MTIF3: variants seen among roughly 807,000 people sequenced by gnomAD.
MTIF3 encodes the protein mitochondrial translational initiation factor 3, also known as translation initiation factor IF-3, mitochondrial.
MTIF3 carries 13 observed loss-of-function variants against 20.7 expected under a neutral mutation model. That is an observed-to-expected ratio of 0.63 (90% confidence interval 0.41 to 1.00). The LOEUF is 1.00. Ranked by LOEUF, MTIF3 falls within the 50% of genes least tolerant of loss-of-function variation. The pLI is 0.00. For synonymous variants in MTIF3, 114 were observed against 112.5 expected (o/e 1.01, Z -0.08); for missense variants, 295 against 324.5 (o/e 0.91, Z 0.70).
intron 3 of MTIF3, among the ~76,000 whole-genome samples, chr13:27,438,320 C>CA (rs36016925): frequency 0.48 from 26,220 of 54,778 alleles, 9,322 homozygotes; most frequent in South Asian, 0.66. Context: ...CCCATCTCTA[C>CA]AAAAAAAAAA....
intron 3 of MTIF3, among the ~76,000 whole-genome samples, chr13:27,438,105 G>A (rs1344051755): frequency 6.6e-6 from 1 of 152,092 alleles, no homozygotes; most frequent in Admixed American, 6.5e-5. Context: ...TGACAAATGA[G>A]GGAGGAGGTA....
At chr13:27,444,782 C>T (rs1566087484) in intron 2 of MTIF3, among the ~76,000 whole-genome samples, 1 of 152,100 alleles carries the variant, frequency 6.6e-6, no homozygotes, top group African/African-American at 2.4e-5. Flanking sequence ...TTAGTATTCA[C>T]AATATTATCC....
Position 27,437,290 on chromosome 13 carries a change from A to G in MTIF3, c.461-17T>C. 2 of 1,611,742 alleles carry G rather than the reference A, an allele frequency of 1.2e-6. No homozygotes were observed. The highest frequency in any genetic ancestry group is 1.3e-5 in the African/African-American group (1 of 74,928). ...GGGTTGGTCCTGGTTTGAAACAGAT[A>G]GGGTGCAAGGACTACTGACTAGTCC... is the stretch of plus-strand genomic sequence containing the variant. On this transcript the variant is annotated splice_polypyrimidine_tract_variant and intron_variant, in intron 3 of 4. Coordinates refer to ENST00000381120, the MANE Select transcript of MTIF3 (RefSeq NM_152912.5).
At chr13:27,436,868 C>T (rs1953785462) in intron 4 of MTIF3, among the ~76,000 whole-genome samples, 1 of 151,408 alleles carries the variant, frequency 6.6e-6, no homozygotes, top group African/African-American at 2.4e-5. Context: ...TCTCCTGCCT[C>T]AGCTTCCCCA....
At chr13:27,445,236 T>C (rs909558969) in intron 1 of MTIF3, 80 bp from the exon 2 acceptor site, 1 of 152,042 alleles carries the variant, frequency 6.6e-6, no homozygotes, top group Non-Finnish European at 1.5e-5. Context: ...TCCCAGCACT[T>C]TGGGAGGCCA....
At chr13:27,439,907 A>G (rs1489604985) in intron 3 of MTIF3, 82 bp downstream of exon 3, 38 of 1,214,866 alleles carry the variant, frequency 3.1e-5, no homozygotes, top group Non-Finnish European at 4.4e-5. Context: ...CTCTTGTCAC[A>G]GGCACCTTGA....
intron 1 of MTIF3, among the ~76,000 whole-genome samples, chr13:27,446,346 C>A (rs1043078821): frequency 6.6e-6 from 1 of 152,278 alleles, no homozygotes; most frequent in East Asian, 1.9e-4. Flanking sequence ...GCGTGAGCCA[C>A]GGCACCCGCC....
At chr13:27,447,935 CTTTA>C (rs940450869) in intron 1 of MTIF3, among the ~76,000 whole-genome samples, 53 of 152,070 alleles carry the variant, frequency 3.5e-4, no homozygotes, top group African/African-American at 1.2e-3. Flanking sequence ...AGGCTGTTCC[CTTTA>C]TTTATTTATT....
intron 4 of MTIF3, among the ~76,000 whole-genome samples, chr13:27,436,292 G>T (rs78322867): frequency 0.033 from 4,971 of 152,078 alleles, 147 homozygotes; most frequent in East Asian, 0.14. Flanking sequence ...GAAACAAATG[G>T]ATACCTGGGC....
chr13:27,439,410 C>CT (rs1566082860), intron 3 of MTIF3, among the ~76,000 whole-genome samples: 5 of 152,174 alleles, frequency 3.3e-5, no homozygotes, highest in African/African-American at 1.2e-4. Flanking sequence ...GCAGGAGAAT[C>CT]GCTTGAGCCT....
rs186614659 is a variant in MTIF3 at position 27,447,479 on chromosome 13, T to C, written c.-70-2323A>G. 1.7e-3 allele frequency among the ~76,000 whole-genome samples: 254 copies of C among 152,304 alleles called. 1 individual carries two copies. The highest frequency in any genetic ancestry group is 5.9e-3 in the African/African-American group (245 of 41,554). On this transcript the variant is annotated intron_variant, in intron 1 of 4. Coordinates refer to ENST00000381120, the MANE Select transcript of MTIF3 (RefSeq NM_152912.5). ...TGCACTCACTCCCACAACTATACTC[T>C]CCGAGACAGCCACAATATTCTAAAA...
chr13:27,435,948 C>T (rs1379858215), intron 4 of MTIF3, 55 bp from the exon 5 acceptor site: 3 of 1,442,896 alleles, frequency 2.1e-6, no homozygotes, highest in Non-Finnish European at 2.9e-6. Context: ...TTGGTGCTTT[C>T]TAATGTTCTG....
chr13:27,449,127 C>A (rs1377789484), intron 1 of MTIF3, among the ~76,000 whole-genome samples: 1 of 152,182 alleles, frequency 6.6e-6, no homozygotes, highest in Non-Finnish European at 1.5e-5. Flanking sequence ...GATGGGATCA[C>A]TACCCATCCA....
chr13:27,448,116 A>C (rs1593203293), intron 1 of MTIF3, among the ~76,000 whole-genome samples: 2 of 112,520 alleles, frequency 1.8e-5, no homozygotes, highest in Middle Eastern at 0.019. Context: ...ACATGATTTA[A>C]ATATGTGGTT....
At chr13:27,449,515 C>T (rs910189517) in intron 1 of MTIF3, among the ~76,000 whole-genome samples, 1 of 152,250 alleles carries the variant, frequency 6.6e-6, no homozygotes, top group East Asian at 1.9e-4. Flanking sequence ...ACAGTACTCT[C>T]GTCCTTGGTT....
At chr13:27,436,908 C>T (rs576836315) in intron 4 of MTIF3, among the ~76,000 whole-genome samples, 1 of 151,996 alleles carries the variant, frequency 6.6e-6, no homozygotes, top group Non-Finnish European at 1.5e-5. Flanking sequence ...CCCGCCACCA[C>T]GCCTGGCTAA....
At chr13:27,441,717 A>G (rs765902515) in intron 2 of MTIF3, among the ~76,000 whole-genome samples, 2 of 152,230 alleles carry the variant, frequency 1.3e-5, no homozygotes, top group Non-Finnish European at 2.9e-5. Context: ...AGGGCATGCT[A>G]GGAATCATTA....
intron 1 of MTIF3, among the ~76,000 whole-genome samples, chr13:27,446,016 G>C (rs959225755): frequency 6.6e-6 from 1 of 151,968 alleles, no homozygotes. Flanking sequence ...TCTGAATAGG[G>C]ACTAGGTATT....
At chr13:27,436,092 A>T (rs1488152967) in intron 4 of MTIF3, among the ~76,000 whole-genome samples, 199 bp from the exon 5 acceptor site, 1 of 152,190 alleles carries the variant, frequency 6.6e-6, no homozygotes, top group East Asian at 1.9e-4. Context: ...TGACATGCTG[A>T]ATGCTTCCTA....
Sources: gnomAD v4.1 joint callset for allele counts (sites outside exome capture counted in the v4.1 genomes callset) on GRCh38, gnomAD v4.1.1 for gene constraint, MANE v1.5 for transcripts, NCBI Gene and HGNC (gene_info 2026-07-23, HGNC 2026-07-21) for gene names.